The following SUSD1 variants were observed in gnomAD, a reference collection of about 807,000 sequenced individuals.
SUSD1 encodes the protein sushi domain-containing protein 1.
In SUSD1, 65 loss-of-function variants were observed where a neutral mutation model predicts 86.9. That is an observed-to-expected ratio of 0.75 (90% confidence interval 0.61 to 0.92). The LOEUF (loss-of-function observed/expected upper bound fraction) is 0.92. SUSD1 is among the 40% of genes least tolerant of loss of function. The probability of loss-of-function intolerance (pLI) is 0.00; values close to 1 mark genes in which losing one functional copy is unlikely to be tolerated. For missense variants in SUSD1, 850 were observed against 929.7 expected (o/e 0.91, Z 1.11); for synonymous variants, 346 against 350.0 (o/e 0.99, Z 0.13).
intron 12 of SUSD1, among the ~76,000 whole-genome samples, chr9:112,078,162 T>C (rs1401408000): frequency 6.6e-6 from 1 of 152,000 alleles, no homozygotes; most frequent in Non-Finnish European, 1.5e-5. Context: ...CTAGGCAACA[T>C]AGTGAAACCC....
chr9:112,048,197 G>C (rs778896841), intron 15 of SUSD1, among the ~76,000 whole-genome samples: 26 of 152,102 alleles, frequency 1.7e-4, no homozygotes, highest in Non-Finnish European at 1.0e-4. Context: ...AAGCCTATCT[G>C]GATAATCTCC....
chr9:112,049,848 C>T (rs779213936), intron 15 of SUSD1, among the ~76,000 whole-genome samples: 1 of 152,190 alleles, frequency 6.6e-6, no homozygotes, highest in Non-Finnish European at 1.5e-5. Context: ...ATTTCAAAGG[C>T]TCAAACTCTC....
intron 1 of SUSD1, among the ~76,000 whole-genome samples, chr9:112,174,800 G>C (rs1458848126): frequency 3.3e-5 from 5 of 152,086 alleles, no homozygotes; most frequent in African/African-American, 1.2e-4. Flanking sequence ...CCTTCCCCGG[G>C]CGCCGCCCTG....
At chr9:112,084,486 G>A (rs563114305) in intron 10 of SUSD1, among the ~76,000 whole-genome samples, 134 of 152,246 alleles carry the variant, frequency 8.8e-4, no homozygotes, top group Non-Finnish European at 1.7e-3. Flanking sequence ...CCTAACAGTA[G>A]TGGTGAGTCT....
chr9:112,121,085 T>C (rs768546562), intron 6 of SUSD1, among the ~76,000 whole-genome samples: 13 of 152,234 alleles, frequency 8.5e-5, no homozygotes, highest in Non-Finnish European at 1.6e-4. Context: ...TTAGCTCCAA[T>C]TATTAAGACT....
intron 10 of SUSD1, among the ~76,000 whole-genome samples, chr9:112,085,750 G>T (rs114693566): frequency 8.5e-5 from 13 of 152,268 alleles, no homozygotes; most frequent in African/African-American, 3.1e-4. Flanking sequence ...AAGTTAGCAC[G>T]TAATATATTA....
At chr9:112,133,068 A>G (rs371283081) in intron 5 of SUSD1, among the ~76,000 whole-genome samples, 4 of 152,364 alleles carry the variant, frequency 2.6e-5, no homozygotes, top group African/African-American at 9.6e-5. Flanking sequence ...ACTTGAGCCC[A>G]GCAGTTTAAG....
rs71382410 is a variant in SUSD1, at chr9:112,152,751, C to CTTTTTT, written c.218-3358_218-3353dup. On this transcript the variant is annotated intron_variant, in intron 2 of 16. Coordinates refer to ENST00000374270, the MANE Select transcript of SUSD1 (RefSeq NM_022486.5). ...TTTTTCTTCTATTATTTTTTTTAAT[C>CTTTTTT]TTTTTTTTTTTTTTTTTTTTGTAAA... Among the ~76,000 whole-genome samples, 157 of 87,494 alleles carry CTTTTTT rather than the reference C, an allele frequency of 1.8e-3. 10 individuals are homozygous for CTTTTTT. Among genetic ancestry groups the CTTTTTT allele is most frequent in the African/African-American group, 5.2e-3 (105 of 20,066 alleles). The allele number at this position is 87,494 out of a possible 152,430, so 57.4% of individuals were successfully genotyped here. A position where few individuals can be genotyped will look rare whatever the true frequency, so the allele number is the denominator to read the frequency against.
intron 1 of SUSD1, among the ~76,000 whole-genome samples, chr9:112,165,814 G>A (rs1833760094): frequency 2.1e-5 from 3 of 140,364 alleles, no homozygotes; most frequent in Admixed American, 7.4e-5. Flanking sequence ...GAGAGAGAGA[G>A]AAAAAGAAAG....
chr9:112,088,742 T>C (rs1830083753), intron 10 of SUSD1, among the ~76,000 whole-genome samples: 1 of 152,162 alleles, frequency 6.6e-6, no homozygotes. Context: ...TTGTGAGCTA[T>C]GATCATGCCA....
At chr9:112,102,080 TCA>T in intron 9 of SUSD1, 94 bp downstream of exon 9, 1 of 610,562 alleles carries the variant, frequency 1.6e-6, no homozygotes. Context: ...GTCTAGAAGT[TCA>T]TTCATTTTTA....
chr9:112,144,946 T>C (rs145347592), intron 3 of SUSD1, among the ~76,000 whole-genome samples: 1 of 152,120 alleles, frequency 6.6e-6, no homozygotes, highest in African/African-American at 2.4e-5. Flanking sequence ...TTTAAAACTT[T>C]AAGAATTCCA....
intron 10 of SUSD1, among the ~76,000 whole-genome samples, chr9:112,093,154 C>G (rs531880599): frequency 1.4e-4 from 22 of 152,288 alleles, no homozygotes; most frequent in African/African-American, 5.1e-4. Flanking sequence ...ACCTGTCTTT[C>G]CAATTCCATA....
chr9:112,059,124 G>T (rs1034515423), intron 13 of SUSD1, among the ~76,000 whole-genome samples: 1 of 152,106 alleles, frequency 6.6e-6, no homozygotes, highest in Non-Finnish European at 1.5e-5. Flanking sequence ...CTGGAGACAC[G>T]ACACTAGGCA....
chr9:112,053,285 T>C (rs183222329), intron 14 of SUSD1, among the ~76,000 whole-genome samples: 1 of 151,860 alleles, frequency 6.6e-6, no homozygotes, highest in Non-Finnish European at 1.5e-5. Context: ...GAGGCTGAGA[T>C]GAGCAGATCA....
At chr9:112,064,356 G>T (rs1828878342) in intron 12 of SUSD1, among the ~76,000 whole-genome samples, 1 of 152,208 alleles carries the variant, frequency 6.6e-6, no homozygotes, top group African/African-American at 2.4e-5. Context: ...GTGCATACAA[G>T]GGATCTAGAT....
At chr9:112,173,777 C>G in intron 1 of SUSD1, 1 of 318,490 alleles carries the variant, frequency 3.1e-6, no homozygotes, top group South Asian at 3.1e-5. Flanking sequence ...CACGTGCACT[C>G]ATGGCCTTGG....
intron 15 of SUSD1, among the ~76,000 whole-genome samples, chr9:112,047,823 T>C (rs556426187): frequency 6.7e-6 from 1 of 148,474 alleles, no homozygotes; most frequent in South Asian, 2.1e-4. Flanking sequence ...CTGGTGAGCA[T>C]GTAGCCCTCA....
At chr9:112,123,892 T>G (rs908858264) in intron 6 of SUSD1, among the ~76,000 whole-genome samples, 2 of 152,182 alleles carry the variant, frequency 1.3e-5, no homozygotes, top group African/African-American at 2.4e-5. Context: ...AAAACTATTT[T>G]TCGTCATACC....
Sources: allele counts gnomAD v4.1 joint callset (sites outside exome capture counted in the v4.1 genomes callset), GRCh38; gene constraint gnomAD v4.1.1; transcripts MANE v1.5; gene names NCBI Gene and HGNC (gene_info 2026-07-23, HGNC 2026-07-21).